HECTD2: variants seen among roughly 807,000 people sequenced by gnomAD.
The protein encoded by HECTD2 is probable E3 ubiquitin-protein ligase HECTD2.
Under a neutral mutation model 103.2 loss-of-function variants are expected in HECTD2, and 35 were observed. The ratio of observed to expected loss-of-function variants is 0.34; its 90% CI spans 0.26 to 0.45. The LOEUF (loss-of-function observed/expected upper bound fraction) is 0.45, where lower values mean the gene tolerates loss of function less well. Ranked by LOEUF, HECTD2 falls within the 20% of genes least tolerant of loss-of-function variation. HECTD2 has a pLI of 1.00. For missense variants in HECTD2, 596 were observed against 937.4 expected, an observed-to-expected ratio of 0.64 and a Z score of 4.76; for synonymous variants, 281 against 329.9, an observed-to-expected ratio of 0.85 and a Z score of 1.61.
chr10:91,410,714 C>T (rs961844119), intron 1 of HECTD2, 138 bp downstream of exon 1: 5 of 758,886 alleles, frequency 6.6e-6, no homozygotes, highest in Admixed American at 4.4e-5. Flanking sequence ...TCAGGCCGCC[C>T]TTCCTTGGGC....
At chr10:91,422,268 G>A (rs1007934586) in intron 1 of HECTD2, among the ~76,000 whole-genome samples, 1 of 151,960 alleles carries the variant, frequency 6.6e-6, no homozygotes, top group Non-Finnish European at 1.5e-5. Flanking sequence ...CAACTACACT[G>A]CTCCCTAAAT....
At chr10:91,485,109 G>A in intron 9 of HECTD2, 71 bp from the exon 10 acceptor site, 4 of 1,048,606 alleles carry the variant, frequency 3.8e-6, no homozygotes, top group Non-Finnish European at 5.4e-6. Flanking sequence ...ACATTAAAAT[G>A]ATGTTTTTAT....
intron 5 of HECTD2, among the ~76,000 whole-genome samples, chr10:91,464,018 G>A (rs1309215311): frequency 6.6e-6 from 1 of 152,066 alleles, no homozygotes; most frequent in Non-Finnish European, 1.5e-5. Flanking sequence ...CTAAGAAACA[G>A]AATTAACCTA....
intron 20 of HECTD2, among the ~76,000 whole-genome samples, chr10:91,511,486 C>CATCA (rs1310226852): frequency 6.6e-6 from 1 of 152,046 alleles, no homozygotes; most frequent in Non-Finnish European, 1.5e-5. Flanking sequence ...TCTTTTTAAC[C>CATCA]ATCAGTCCTC....
At chr10:91,461,530 A>G (rs926421200) in intron 4 of HECTD2, among the ~76,000 whole-genome samples, 174 bp downstream of exon 4, 6 of 152,004 alleles carry the variant, frequency 3.9e-5, no homozygotes, top group African/African-American at 1.4e-4. Flanking sequence ...TTATATAAGT[A>G]TATGGGTTTT....
At chr10:91,409,713 C>T (rs1053608905), upstream of HECTD2, among the ~76,000 whole-genome samples, 2 of 152,174 alleles carry the variant, frequency 1.3e-5, no homozygotes, top group Non-Finnish European at 2.9e-5. Context: ...GGTTGCTGAG[C>T]CAGGAAGGCT....
chr10:91,460,331 TC>T lies in HECTD2; in HGVS notation c.269-95del, dbSNP rs763973629. Reference sequence around the variant, plus strand: ...CAAAGTGAATGTAATACAAAATAATTCATTTGTTTTCTGTTCATGTTGAATT... The same window carrying T: ...CAAAGTGAATGTAATACAAAATAATTATTTGTTTTCTGTTCATGTTGAATT... On this transcript the variant is annotated intron_variant, in intron 2 of 20. Transcript: ENST00000298068. 4.3e-5 allele frequency: 46 copies of T among 1,068,748 alleles called. 1 individual carries two copies. Among genetic ancestry groups the T allele is most frequent in the Non-Finnish European group, 5.1e-5 (38 of 751,318 alleles). The allele number at this position is 1,068,748 out of a possible 1,614,324, so 66.2% of individuals were successfully genotyped here. A position where few individuals can be genotyped will look rare whatever the true frequency, so the allele number is the denominator to read the frequency against.
intron 1 of HECTD2, among the ~76,000 whole-genome samples, chr10:91,423,928 A>G (rs775086142): frequency 4.6e-5 from 7 of 152,196 alleles, no homozygotes; most frequent in Non-Finnish European, 8.8e-5. Context: ...TTGGTTTTAT[A>G]GAAATGGTGA....
At chr10:91,445,962 T>C (rs189151746) in intron 2 of HECTD2, among the ~76,000 whole-genome samples, 22 of 152,214 alleles carry the variant, frequency 1.4e-4, no homozygotes, top group Admixed American at 4.6e-4. Flanking sequence ...GGGTGGCCAT[T>C]TGAGCAGACA....
chr10:91,501,198 T>C lies in HECTD2; in HGVS notation c.2074T>C (p.Trp692Arg). Residue 692 changes from tryptophan (W) to arginine (R), a missense_variant, in exon 20 of 21, where the codon TGG (tryptophan) becomes CGG (arginine). Transcript: ENST00000298068. ...AKTDLTIKYF[W>R]DVVLGFPLDL... ...TCCTTTGGTATTCTCTAGATACTTT[T>C]GGGATGTTGTGCTTGGATTTCCTCT... 6.2e-7 allele frequency: 1 copy of C among 1,608,776 alleles called. No individual in the cohort carries two copies. Among genetic ancestry groups the C allele is most frequent in the South Asian group, 1.1e-5 (1 of 89,916 alleles).
intron 2 of HECTD2, among the ~76,000 whole-genome samples, chr10:91,440,468 A>C (rs563496048): frequency 6.6e-6 from 1 of 152,038 alleles, no homozygotes; most frequent in East Asian, 1.9e-4. Flanking sequence ...GTGCTGCTAC[A>C]TTTGGTTTGC....
intron 2 of HECTD2, among the ~76,000 whole-genome samples, chr10:91,454,691 G>C (rs1292162257): frequency 6.6e-6 from 1 of 151,938 alleles, no homozygotes; most frequent in East Asian, 1.9e-4. Flanking sequence ...TTTACATTAG[G>C]TATATCTCCT....
At chr10:91,451,724 T>C (rs113739277) in intron 2 of HECTD2, among the ~76,000 whole-genome samples, 8 of 152,228 alleles carry the variant, frequency 5.3e-5, no homozygotes, top group African/African-American at 1.9e-4. Context: ...CCCACACTAA[T>C]GAAATTTATC....
intron 1 of HECTD2, among the ~76,000 whole-genome samples, chr10:91,422,778 T>G (rs1589461038): frequency 6.6e-6 from 1 of 152,278 alleles, no homozygotes; most frequent in East Asian, 1.9e-4. Context: ...TTTTCTCTCT[T>G]ATCTTTGAGA....
chr10:91,504,555 A>G (rs1315303731), intron 20 of HECTD2, among the ~76,000 whole-genome samples: 3 of 152,204 alleles, frequency 2.0e-5, no homozygotes, highest in Non-Finnish European at 4.4e-5. Context: ...AATGAAATGA[A>G]GCGAGAAGGA....
intron 5 of HECTD2, among the ~76,000 whole-genome samples, chr10:91,467,559 A>C (rs1170900918): frequency 6.6e-6 from 1 of 152,080 alleles, no homozygotes; most frequent in Non-Finnish European, 1.5e-5. Context: ...TTCCTGGGGC[A>C]TAGCTCACCA....
At chr10:91,438,314 C>T (rs9804311) in intron 2 of HECTD2, among the ~76,000 whole-genome samples, 30,637 of 151,942 alleles carry the variant, frequency 0.2, 7,329 homozygotes, top group African/African-American at 0.58. Flanking sequence ...CTGCCACTTA[C>T]GAGTGAGAAC....
At chr10:91,506,347 A>G (rs1397580017) in intron 20 of HECTD2, among the ~76,000 whole-genome samples, 1 of 152,296 alleles carries the variant, frequency 6.6e-6, no homozygotes, top group Non-Finnish European at 1.5e-5. Flanking sequence ...TGGTTTTTTG[A>G]AAGGATCAAC....
intron 5 of HECTD2, chr10:91,462,464 A>G: frequency 8.2e-7 from 1 of 1,212,692 alleles, no homozygotes; most frequent in Non-Finnish European, 1.0e-6. Flanking sequence ...TTATTTAATT[A>G]TATTGGAATT....
Sources: allele counts gnomAD v4.1 joint callset (sites outside exome capture counted in the v4.1 genomes callset), GRCh38; gene constraint gnomAD v4.1.1; transcripts MANE v1.5; gene names NCBI Gene and HGNC (gene_info 2026-07-23, HGNC 2026-07-21).